KHDRBS3: variants seen among roughly 807,000 people sequenced by gnomAD.
KHDRBS3 encodes the protein KH RNA binding domain containing, signal transduction associated 3.
Under a neutral mutation model 45.6 loss-of-function variants are expected in KHDRBS3, and 23 were observed. The ratio of observed to expected loss-of-function variants is 0.50; its 90% CI spans 0.36 to 0.72. The LOEUF (loss-of-function observed/expected upper bound fraction) is 0.72. Ranked by LOEUF, KHDRBS3 falls within the 30% of genes least tolerant of loss-of-function variation. The pLI is 0.00. For missense variants in KHDRBS3, 352 were observed against 424.8 expected, an observed-to-expected ratio of 0.83 and a Z score of 1.51; for synonymous variants, 162 against 156.5, an observed-to-expected ratio of 1.04 and a Z score of -0.26.
At chr8:135,619,342 T>A (rs1830043798) in intron 7 of KHDRBS3, among the ~76,000 whole-genome samples, 1 of 152,110 alleles carries the variant, frequency 6.6e-6, no homozygotes, top group African/African-American at 2.4e-5. Context: ...GTCTTAAACA[T>A]TGCTAAATTT....
chr8:135,600,603 T>G (rs1829165479), intron 6 of KHDRBS3, among the ~76,000 whole-genome samples: 1 of 152,232 alleles, frequency 6.6e-6, no homozygotes, highest in Admixed American at 6.5e-5. Flanking sequence ...CTGCACTGCC[T>G]TGCTCACAAG....
chr8:135,586,485 A>G (rs890468991), intron 6 of KHDRBS3, among the ~76,000 whole-genome samples: 2 of 152,170 alleles, frequency 1.3e-5, no homozygotes, highest in Non-Finnish European at 2.9e-5. Context: ...CTTGCAATTC[A>G]CTAATTCCCT....
chr8:135,460,850 T>C (rs1298950905), intron 1 of KHDRBS3, among the ~76,000 whole-genome samples: 1 of 152,246 alleles, frequency 6.6e-6, no homozygotes, highest in African/African-American at 2.4e-5. Flanking sequence ...AAGCAGTTTA[T>C]AGATGAGGTG....
intron 5 of KHDRBS3, among the ~76,000 whole-genome samples, chr8:135,561,626 G>T (rs1178804096): frequency 2.0e-5 from 3 of 150,640 alleles, no homozygotes; most frequent in Non-Finnish European, 4.4e-5. Context: ...TATGGCTCAT[G>T]ATCACACTTT....
chr8:135,642,237 A>G (rs1831090504), intron 7 of KHDRBS3, among the ~76,000 whole-genome samples: 2 of 152,256 alleles, frequency 1.3e-5, no homozygotes, highest in Non-Finnish European at 1.5e-5. Flanking sequence ...CACCTGTAGC[A>G]TTTGTGTTCA....
intron 2 of KHDRBS3, among the ~76,000 whole-genome samples, chr8:135,536,475 G>A (rs1825762115): frequency 6.6e-6 from 1 of 152,084 alleles, no homozygotes; most frequent in Non-Finnish European, 1.5e-5. Context: ...TAGCACTCAG[G>A]TTCGCAGGAC....
At chr8:135,551,650 T>C (rs552633264) in intron 4 of KHDRBS3, among the ~76,000 whole-genome samples, 1 of 152,276 alleles carries the variant, frequency 6.6e-6, no homozygotes, top group South Asian at 2.1e-4. Flanking sequence ...TAGATATGGT[T>C]TACTAATAGT....
chr8:135,642,982 A>G (rs1234344741), intron 7 of KHDRBS3, among the ~76,000 whole-genome samples: 1 of 151,880 alleles, frequency 6.6e-6, no homozygotes, highest in Non-Finnish European at 1.5e-5. Flanking sequence ...TTTAGTAGAG[A>G]CAGGGTTTCA....
intron 4 of KHDRBS3, among the ~76,000 whole-genome samples, chr8:135,556,034 C>T (rs1314672988): frequency 6.6e-6 from 1 of 152,182 alleles, no homozygotes; most frequent in Non-Finnish European, 1.5e-5. Flanking sequence ...TGGTTTTCAG[C>T]TTCATCCCTG....
chr8:135,498,032 G>T (rs1823546254), intron 1 of KHDRBS3, among the ~76,000 whole-genome samples: 1 of 152,038 alleles, frequency 6.6e-6, no homozygotes, highest in Non-Finnish European at 1.5e-5. Context: ...GTGAACCTAG[G>T]TTGGTGGCTG....
At chr8:135,485,956 C>A (rs576021497) in intron 1 of KHDRBS3, among the ~76,000 whole-genome samples, 1 of 151,626 alleles carries the variant, frequency 6.6e-6, no homozygotes, top group East Asian at 1.9e-4. Flanking sequence ...CCTTAGCTCC[C>A]GTCTGGTGTC....
chr8:135,644,905 C>G (rs1008033690), intron 7 of KHDRBS3, among the ~76,000 whole-genome samples, 154 bp from the exon 8 acceptor site: 2 of 151,926 alleles, frequency 1.3e-5, no homozygotes, highest in African/African-American at 2.4e-5. Context: ...GTTGACACTT[C>G]TGCTTTAGAA....
At chr8:135,642,299 T>C (rs923042607) in intron 7 of KHDRBS3, among the ~76,000 whole-genome samples, 8 of 152,330 alleles carry the variant, frequency 5.3e-5, no homozygotes, top group African/African-American at 1.7e-4. Flanking sequence ...CTGCCACTTA[T>C]AAGTTGAGTG....
chr8:135,637,320 C>G (rs867701611), intron 7 of KHDRBS3, among the ~76,000 whole-genome samples: 9 of 152,074 alleles, frequency 5.9e-5, no homozygotes, highest in Middle Eastern at 3.4e-3. Context: ...TATAAAAATT[C>G]CTAACGGTTA....
At chr8:135,512,915 T>C (rs528905959) in intron 1 of KHDRBS3, among the ~76,000 whole-genome samples, 3 of 152,226 alleles carry the variant, frequency 2.0e-5, no homozygotes, top group African/African-American at 7.2e-5. Flanking sequence ...AGTTGATGTT[T>C]TAATTAAGAG....
At chr8:135,629,623 A>G (rs892566441) in intron 7 of KHDRBS3, among the ~76,000 whole-genome samples, 2 of 152,226 alleles carry the variant, frequency 1.3e-5, no homozygotes, top group African/African-American at 2.4e-5. Context: ...CTCCATAACA[A>G]TAATGGACTT....
chr8:135,606,847 A>T, intron 6 of KHDRBS3, 108 bp from the exon 7 acceptor site: 1 of 770,114 alleles, frequency 1.3e-6, no homozygotes, highest in Non-Finnish European at 2.2e-6. Context: ...ATAAGTAGAC[A>T]TATAATTAAA....
chr8:135,465,479 C>T (rs867773394), intron 1 of KHDRBS3, among the ~76,000 whole-genome samples: 2 of 152,024 alleles, frequency 1.3e-5, no homozygotes, highest in Non-Finnish European at 2.9e-5. Flanking sequence ...TTTAGTTTTC[C>T]AATCCAGGAA....
intron 4 of KHDRBS3, among the ~76,000 whole-genome samples, chr8:135,554,766 G>A (rs1826790904): frequency 6.6e-6 from 1 of 152,002 alleles, no homozygotes; most frequent in Non-Finnish European, 1.5e-5. Flanking sequence ...TCTACTACAA[G>A]TTTCAAGTCA....
Sources: allele counts gnomAD v4.1 joint callset (sites outside exome capture counted in the v4.1 genomes callset), GRCh38; gene constraint gnomAD v4.1.1; transcripts MANE v1.5; gene names NCBI Gene and HGNC (gene_info 2026-07-23, HGNC 2026-07-21).